NFIB: variants seen among roughly 807,000 people sequenced by gnomAD.
NFIB encodes nuclear factor I B.
In NFIB, 11 loss-of-function variants were observed where a neutral mutation model predicts 61.5. The ratio of observed to expected loss-of-function variants is 0.18; its 90% confidence interval spans 0.11 to 0.30. The LOEUF (loss-of-function observed/expected upper bound fraction) is 0.30, where lower values mean the gene tolerates loss of function less well. Ranked by LOEUF, NFIB falls within the 10% of genes least tolerant of loss-of-function variation. NFIB has a pLI of 1.00. For missense variants in NFIB, 471 were observed against 608.9 expected (o/e 0.77, Z 2.38); for synonymous variants, 260 against 216.5 (o/e 1.20, Z -1.76).
chr9:14,241,907 G>C (rs2054399576), intron 2 of NFIB, among the ~76,000 whole-genome samples: 1 of 152,062 alleles, frequency 6.6e-6, no homozygotes, highest in Non-Finnish European at 1.5e-5. Flanking sequence ...CATGACTCTA[G>C]ATTCTTTATA....
intron 1 of NFIB, among the ~76,000 whole-genome samples, chr9:14,394,034 A>T (rs1041838661): frequency 2.6e-5 from 4 of 152,192 alleles, no homozygotes; most frequent in African/African-American, 9.7e-5. Flanking sequence ...CCACTCATCC[A>T]TCTGTTTATG....
chr9:14,509,848 C>T, the NFIB span, among the ~76,000 whole-genome samples: 1 of 152,158 alleles, frequency 6.6e-6, no homozygotes, highest in Non-Finnish European at 1.5e-5. Context: ...TTTGAGAAAG[C>T]AGCTTCTTAC....
chr9:14,300,042 A>G (rs185635455), intron 2 of NFIB: 191 of 395,378 alleles, frequency 4.8e-4, no homozygotes, highest in Middle Eastern at 2.6e-3. Context: ...CCTTACTACA[A>G]CGCACTTAGT....
At chr9:14,109,802 T>C (rs1777018946) in intron 10 of NFIB, among the ~76,000 whole-genome samples, 2 of 152,114 alleles carry the variant, frequency 1.3e-5, no homozygotes, top group Admixed American at 6.6e-5. Flanking sequence ...CTTTTTGAAA[T>C]AGTCTCCAGG....
chr9:14,488,654 G>C, the NFIB span, among the ~76,000 whole-genome samples: 7 of 152,222 alleles, frequency 4.6e-5, no homozygotes, highest in African/African-American at 1.7e-4. Context: ...TGAAGCAAGG[G>C]CCACGTACTC....
intron 2 of NFIB, among the ~76,000 whole-genome samples, chr9:14,261,192 C>T (rs976066197): frequency 2.0e-5 from 3 of 152,094 alleles, no homozygotes; most frequent in Admixed American, 6.6e-5. Context: ...TGGCAGGCAC[C>T]TGTAATCCCA....
chr9:14,220,886 C>CACACACACACACACA (rs35010015), intron 2 of NFIB, among the ~76,000 whole-genome samples: 4 of 143,878 alleles, frequency 2.8e-5, no homozygotes, highest in Admixed American at 7.0e-5. Flanking sequence ...CACACACACA[C>CACACACACACACACA]CACATCCCAT....
chr9:14,216,538 CTCTCCCTCTGTGTGTGTGTGTGTG>C (rs1202015626), intron 2 of NFIB, among the ~76,000 whole-genome samples: 474 of 30,530 alleles, frequency 0.016, 14 homozygotes, highest in African/African-American at 0.073. Context: ...CTCTCTCTCT[CTCTCCCTCTGTGTGTGTGTGTGTG>C]TGTGTGTGTG....
At chr9:14,275,379 T>A (rs2057927316) in intron 2 of NFIB, among the ~76,000 whole-genome samples, 1 of 152,190 alleles carries the variant, frequency 6.6e-6, no homozygotes, top group Admixed American at 6.5e-5. Flanking sequence ...GTTCTGGGAT[T>A]TTCGTAACCA....
the NFIB span, among the ~76,000 whole-genome samples, chr9:14,527,844 C>T: frequency 6.8e-3 from 1,038 of 152,176 alleles, 9 homozygotes; most frequent in Non-Finnish European, 9.3e-3. Context: ...AAATTAAATA[C>T]AATTTGAAAT....
At chr9:14,219,748 T>C (rs1444091096) in intron 2 of NFIB, among the ~76,000 whole-genome samples, 2 of 152,186 alleles carry the variant, frequency 1.3e-5, no homozygotes, top group African/African-American at 4.8e-5. Context: ...TAATACTACA[T>C]TTGATGGGAT....
At chr9:14,139,471 C>T (rs2041447758) in intron 6 of NFIB, among the ~76,000 whole-genome samples, 1 of 152,170 alleles carries the variant, frequency 6.6e-6, no homozygotes, top group Non-Finnish European at 1.5e-5. Context: ...GACATTATCT[C>T]CCATGGGTTT....
intron 1 of NFIB, among the ~76,000 whole-genome samples, chr9:14,397,708 A>G (rs1366563089): frequency 6.6e-6 from 1 of 152,230 alleles, no homozygotes; most frequent in Non-Finnish European, 1.5e-5. Context: ...AGCCAGCAAT[A>G]TCATGCCTAA....
the NFIB span, among the ~76,000 whole-genome samples, chr9:14,415,956 T>C: frequency 1.3e-5 from 2 of 152,198 alleles, no homozygotes; most frequent in African/African-American, 4.8e-5. Context: ...TCTAGTCTCC[T>C]TTAAATACAT....
At chr9:14,127,100 T>C (rs2039756200) in intron 6 of NFIB, among the ~76,000 whole-genome samples, 1 of 152,180 alleles carries the variant, frequency 6.6e-6, no homozygotes, top group Admixed American at 6.5e-5. Flanking sequence ...GAGCTTGAAA[T>C]AAGAATCATG....
intron 6 of NFIB, among the ~76,000 whole-genome samples, chr9:14,141,207 G>C (rs1348767451): frequency 4.6e-5 from 7 of 152,112 alleles, no homozygotes; most frequent in Non-Finnish European, 1.5e-5. Flanking sequence ...CTAGGACTTG[G>C]AAACAAATTA....
the NFIB span, among the ~76,000 whole-genome samples, chr9:14,437,019 G>C: frequency 6.6e-6 from 1 of 152,184 alleles, no homozygotes; most frequent in Non-Finnish European, 1.5e-5. Context: ...GAAAGAGACA[G>C]AGAAGAAAGT....
intron 1 of NFIB, among the ~76,000 whole-genome samples, chr9:14,321,060 T>G (rs1211010611): frequency 6.6e-6 from 1 of 152,138 alleles, no homozygotes; most frequent in Non-Finnish European, 1.5e-5. Context: ...TCACGCCACT[T>G]CAGCATCTTG....
chr9:14,285,845 T>A lies in NFIB; in HGVS notation c.562+21144A>T, dbSNP rs574165635. Among the ~76,000 whole-genome samples the A allele has an allele frequency of 4.6e-5, 7 of 152,148 alleles. No individual in the cohort carries two copies. In the South Asian group the frequency reaches 1.5e-3, roughly 32 times the overall value. ...GTATCACTTAAGCATCAGGTCACTATGTAAAGCCTTAACTTGTAAGATTGG... is the reference window on the plus strand; with the variant it reads ...GTATCACTTAAGCATCAGGTCACTAAGTAAAGCCTTAACTTGTAAGATTGG... On this transcript the variant is annotated intron_variant, in intron 2 of 10. Coordinates refer to ENST00000380953, the MANE Select transcript of NFIB (RefSeq NM_001190737.2).
Sources: gnomAD v4.1 joint callset for allele counts (sites outside exome capture counted in the v4.1 genomes callset) on GRCh38, gnomAD v4.1.1 for gene constraint, MANE v1.5 for transcripts, NCBI Gene and HGNC (gene_info 2026-07-23, HGNC 2026-07-21) for gene names.